ZBTB8A: variants seen among roughly 807,000 people sequenced by gnomAD.
The protein encoded by ZBTB8A is zinc finger and BTB domain containing 8A, also known as zinc finger and BTB domain-containing protein 8A.
In ZBTB8A, 19 loss-of-function variants were observed where a neutral mutation model predicts 37.8. The ratio of observed to expected loss-of-function variants is 0.50; its 90% CI spans 0.35 to 0.74. The LOEUF (loss-of-function observed/expected upper bound fraction) is 0.74. ZBTB8A is among the 30% of genes least tolerant of loss of function. ZBTB8A has a pLI of 0.01. For synonymous variants in ZBTB8A, 181 were observed against 185.2 expected, an observed-to-expected ratio of 0.98 and a Z score of 0.19; for missense variants, 394 against 537.8, an observed-to-expected ratio of 0.73 and a Z score of 2.65.
At chr1:32,550,989 C>G (rs939484588) in intron 1 of ZBTB8A, among the ~76,000 whole-genome samples, 1 of 150,878 alleles carries the variant, frequency 6.6e-6, no homozygotes, top group Non-Finnish European at 1.5e-5. Flanking sequence ...CAAATTACCA[C>G]CGTACACACC....
At chr1:32,588,528 A>C (rs992609824) in intron 2 of ZBTB8A, among the ~76,000 whole-genome samples, 1 of 152,036 alleles carries the variant, frequency 6.6e-6, no homozygotes, top group Admixed American at 6.6e-5. Context: ...AAGGAGACTG[A>C]GAAGGAGTAG....
At chr1:32,558,858 A>G (rs957027040) in intron 2 of ZBTB8A, among the ~76,000 whole-genome samples, 21 of 152,328 alleles carry the variant, frequency 1.4e-4, no homozygotes, top group Non-Finnish European at 2.1e-4. Flanking sequence ...ACAGCGGTTC[A>G]TATATTATTG....
intron 1 of ZBTB8A, among the ~76,000 whole-genome samples, chr1:32,552,814 A>G (rs1644167727): frequency 1.3e-5 from 2 of 150,488 alleles, no homozygotes; most frequent in African/African-American, 4.9e-5. Flanking sequence ...TAAAATGTAT[A>G]TATGTCTTTA....
intron 2 of ZBTB8A, among the ~76,000 whole-genome samples, chr1:32,577,567 T>A (rs1644372155): frequency 6.6e-6 from 1 of 151,458 alleles, no homozygotes; most frequent in East Asian, 1.9e-4. Context: ...AATGCATTTT[T>A]AATTTCAGAT....
rs1644103365 is a variant in ZBTB8A at position 32,546,286 on chromosome 1, A to G, written c.-84+6714A>G. On this transcript the variant is annotated intron_variant, in intron 1 of 4. Transcript: ENST00000373510. ...TGGCGAAACCCTGTCTCTGTTAAAA[A>G]TATAATAATTAGCCAGGTGTGGTGG... Among the ~76,000 whole-genome samples, 3 of 152,168 alleles carry G rather than the reference A, an allele frequency of 2.0e-5. No homozygotes were observed. In the South Asian group the frequency reaches 6.2e-4, roughly 32 times the overall value.
intron 2 of ZBTB8A, among the ~76,000 whole-genome samples, chr1:32,567,800 A>AAAAAAC: frequency 2.4e-5 from 1 of 42,264 alleles, no homozygotes; most frequent in Non-Finnish European, 4.2e-5. Flanking sequence ...TCAAAAAAAA[A>AAAAAAC]AAAAAAAAAA....
At chr1:32,575,521 G>A (rs1042961761) in intron 2 of ZBTB8A, among the ~76,000 whole-genome samples, 5 of 151,698 alleles carry the variant, frequency 3.3e-5, no homozygotes, top group Admixed American at 2.0e-4. Flanking sequence ...CACCGCGCCC[G>A]GCCCATCTTT....
At chr1:32,589,353 C>T (rs184733534) in intron 2 of ZBTB8A, among the ~76,000 whole-genome samples, 14 of 151,634 alleles carry the variant, frequency 9.2e-5, no homozygotes, top group African/African-American at 1.5e-4. Flanking sequence ...CAGGTTCAAG[C>T]GATTCTCCTG....
intron 4 of ZBTB8A, among the ~76,000 whole-genome samples, chr1:32,596,254 C>T (rs965826543): frequency 1.2e-4 from 18 of 151,954 alleles, no homozygotes; most frequent in Non-Finnish European, 2.9e-5. Context: ...CCTGCAATCC[C>T]AGCTACTCAG....
chr1:32,557,813 C>T lies in ZBTB8A; in HGVS notation c.-2+4273C>T, dbSNP rs565936632. Reference sequence around the variant, plus strand: ...GTTATTAAAATCTTTCAAATGCCACCCTCTGTTGATGATTTCTAAATCTTT... The same window carrying T: ...GTTATTAAAATCTTTCAAATGCCACTCTCTGTTGATGATTTCTAAATCTTT... On this transcript the variant is annotated intron_variant, in intron 2 of 4. Coordinates refer to ENST00000373510, the MANE Select transcript of ZBTB8A (RefSeq NM_001040441.3). Among the ~76,000 whole-genome samples the T allele has an allele frequency of 4.6e-5, 7 of 152,206 alleles. No homozygotes were observed. The East Asian group carries it at 9.6e-4, about 21-fold the overall frequency.
At chr1:32,565,360 C>A (rs1006203086) in intron 2 of ZBTB8A, among the ~76,000 whole-genome samples, 1 of 151,958 alleles carries the variant, frequency 6.6e-6, no homozygotes. Flanking sequence ...AAAAGAAATC[C>A]GTTTTAAGGC....
intron 2 of ZBTB8A, among the ~76,000 whole-genome samples, chr1:32,587,933 A>G (rs1363899654): frequency 1.3e-5 from 2 of 152,102 alleles, no homozygotes; most frequent in Admixed American, 1.3e-4. Flanking sequence ...TTATGCCTAC[A>G]TAATGAAGTT....
chr1:32,551,910 C>G (rs79188359), intron 1 of ZBTB8A, among the ~76,000 whole-genome samples: 1 of 151,152 alleles, frequency 6.6e-6, no homozygotes, highest in Admixed American at 6.6e-5. Context: ...CTTTTTTTTT[C>G]AAGATATGTT....
intron 2 of ZBTB8A, among the ~76,000 whole-genome samples, chr1:32,557,460 C>T (rs1039525949): frequency 4.6e-5 from 7 of 152,022 alleles, no homozygotes; most frequent in Non-Finnish European, 8.8e-5. Flanking sequence ...CATTAAATAA[C>T]ATTTAATTTA....
At chr1:32,543,643 A>G (rs1441913466) in intron 1 of ZBTB8A, among the ~76,000 whole-genome samples, 1 of 152,096 alleles carries the variant, frequency 6.6e-6, no homozygotes, top group Non-Finnish European at 1.5e-5. Context: ...TAAATAAAAT[A>G]TGTATTTTTT....
chr1:32,553,056 C>T (rs1644170133), intron 1 of ZBTB8A, among the ~76,000 whole-genome samples: 1 of 151,046 alleles, frequency 6.6e-6, no homozygotes, highest in Admixed American at 6.6e-5. Flanking sequence ...GACAGAGGCT[C>T]TTATATAATT....
Position 32,558,257 on chromosome 1 carries a change from G to C in ZBTB8A, c.-2+4717G>C, listed in dbSNP as rs191834410. Among the ~76,000 whole-genome samples, 458 of 152,138 alleles carry C rather than the reference G, an allele frequency of 3.0e-3. 3 individuals carry two copies. The highest frequency in any genetic ancestry group is 3.3e-3 in the Admixed American group (50 of 15,258). ...CTGAAAATCAAACCTTAAACAAGAGGTAACAGTGTAAATGCTACCAATCAT... is the reference window on the plus strand; with the variant it reads ...CTGAAAATCAAACCTTAAACAAGAGCTAACAGTGTAAATGCTACCAATCAT... On this transcript the variant is annotated intron_variant, in intron 2 of 4. Coordinates refer to ENST00000373510, the MANE Select transcript of ZBTB8A (RefSeq NM_001040441.3).
At chr1:32,550,007 A>G (rs1340336444) in intron 1 of ZBTB8A, among the ~76,000 whole-genome samples, 1 of 152,210 alleles carries the variant, frequency 6.6e-6, no homozygotes, top group East Asian at 1.9e-4. Context: ...ACATGGGGAA[A>G]CTGAATTGTA....
intron 2 of ZBTB8A, among the ~76,000 whole-genome samples, chr1:32,565,894 G>A (rs1325577175): frequency 6.6e-6 from 1 of 152,030 alleles, no homozygotes; most frequent in Non-Finnish European, 1.5e-5. Context: ...AGCCTAGTCT[G>A]CTAGACCAAT....
Sources: gnomAD v4.1 joint callset for allele counts (sites outside exome capture counted in the v4.1 genomes callset) on GRCh38, gnomAD v4.1.1 for gene constraint, MANE v1.5 for transcripts, NCBI Gene and HGNC (gene_info 2026-07-23, HGNC 2026-07-21) for gene names.